The following SLC9A7 variants were observed in gnomAD, a reference collection of about 807,000 sequenced individuals.
SLC9A7 encodes the protein sodium/hydrogen exchanger 7.
A neutral mutation model predicts 52.6 loss-of-function variants in SLC9A7; 19 were observed. The observed-to-expected ratio is 0.36, with a 90% CI of 0.25 to 0.53. The LOEUF (loss-of-function observed/expected upper bound fraction) is 0.53, where lower values mean the gene tolerates loss of function less well. Ranked by LOEUF, SLC9A7 falls within the 20% of genes least tolerant of loss-of-function variation. SLC9A7 has a pLI of 0.91. For missense variants in SLC9A7, 455 were observed against 597.9 expected (o/e 0.76, Z 2.49); for synonymous variants, 226 against 252.1 (o/e 0.90, Z 0.98).
At chrX:46,703,233 T>C (rs979167971) in intron 1 of SLC9A7, among the ~76,000 whole-genome samples, 13 of 112,145 alleles carry the variant, frequency 1.2e-4, no homozygotes, top group Non-Finnish European at 5.6e-5. Context: ...CTGTTAATAG[T>C]TTCTTTTGCT....
chrX:46,741,153 G>T (rs1921324560), intron 1 of SLC9A7, among the ~76,000 whole-genome samples: 1 of 111,722 alleles, frequency 9.0e-6, no homozygotes, highest in South Asian at 3.7e-4. Flanking sequence ...CCTAAGCAGA[G>T]AAATATAATG....
intron 1 of SLC9A7, among the ~76,000 whole-genome samples, chrX:46,752,768 T>C (rs1407084005): frequency 9.0e-6 from 1 of 110,858 alleles, no homozygotes; most frequent in Non-Finnish European, 1.9e-5. Context: ...ACCTCTTCAC[T>C]GTAAAGGTAC....
At chrX:46,715,553 G>A (rs763176768) in intron 1 of SLC9A7, among the ~76,000 whole-genome samples, 6 of 111,650 alleles carry the variant, frequency 5.4e-5, no homozygotes, top group African/African-American at 9.7e-5. Context: ...AAATTTTTGC[G>A]AATGTGCCCT....
chrX:46,701,704 G>A lies in SLC9A7; in HGVS notation c.326-19169C>T, dbSNP rs187440583. Among the ~76,000 whole-genome samples the A allele has an allele frequency of 3.4e-3, 381 of 112,020 alleles. 4 individuals carry two copies. The highest frequency in any genetic ancestry group is 5.9e-3 in the Non-Finnish European group (314 of 53,132). On this transcript the variant is annotated intron_variant, in intron 1 of 16. Transcript: ENST00000616978. ...ATACCATAATTGGGAAGGAATACAT[G>A]GGGGGAGTGGTTCAAAGGCACTGGT...
chrX:46,732,349 C>CA (rs1293008302), intron 1 of SLC9A7, among the ~76,000 whole-genome samples: 1 of 109,607 alleles, frequency 9.1e-6, no homozygotes, highest in Non-Finnish European at 1.9e-5. Flanking sequence ...GTCAGGAGTT[C>CA]GAGAACAGCC....
At chrX:46,659,950 C>T (rs1050686296) in intron 7 of SLC9A7, among the ~76,000 whole-genome samples, 4 of 110,769 alleles carry the variant, frequency 3.6e-5, no homozygotes, top group South Asian at 3.8e-4. Flanking sequence ...GGAGGCATCA[C>T]GCTACCTGAC....
chrX:46,605,678 A>T lies in SLC9A7; in HGVS notation c.*1274T>A, dbSNP rs770122911. Reference sequence around the variant, plus strand: ...TACTATCTTGTATTTCTTTGCAGTAATTTTTTTGCATTGAGATTTCTTTCC... The same window carrying T: ...TACTATCTTGTATTTCTTTGCAGTATTTTTTTTGCATTGAGATTTCTTTCC... On this transcript the variant is annotated 3_prime_UTR_variant, in exon 17 of 17. Transcript: ENST00000616978. The T allele has an allele frequency of 5.4e-5, 6 of 111,425 alleles. No homozygotes were observed. The highest frequency in any genetic ancestry group is 1.1e-4 in the Non-Finnish European group (6 of 53,085). The allele number at this position is 111,425 out of a possible 1,213,427, so 9.2% of individuals were successfully genotyped here. A position where few individuals can be genotyped will look rare whatever the true frequency, so the allele number is the denominator to read the frequency against.
At chrX:46,651,059 C>T in intron 10 of SLC9A7, 51 bp downstream of exon 10, 1 of 729,221 alleles carries the variant, frequency 1.4e-6, no homozygotes, top group Non-Finnish European at 2.1e-6. Flanking sequence ...ATAGCTTCTC[C>T]AACAGTGGTC....
intron 1 of SLC9A7, among the ~76,000 whole-genome samples, chrX:46,708,296 G>C (rs1944635140): frequency 9.0e-6 from 1 of 111,574 alleles, no homozygotes; most frequent in African/African-American, 3.3e-5. Context: ...GGAAGGCCGA[G>C]GTGGGCAGAT....
intron 8 of SLC9A7, among the ~76,000 whole-genome samples, chrX:46,653,278 T>C (rs1471589708): frequency 9.0e-6 from 1 of 111,003 alleles, no homozygotes; most frequent in Non-Finnish European, 1.9e-5. Flanking sequence ...GCCTGTAGTC[T>C]TAGCTACTTG....
intron 1 of SLC9A7, among the ~76,000 whole-genome samples, chrX:46,732,806 A>G (rs1223309384): frequency 1.8e-5 from 2 of 111,910 alleles, no homozygotes; most frequent in African/African-American, 6.5e-5. Flanking sequence ...TTGTTCGATT[A>G]CTATAAGAAA....
chrX:46,711,538 T>C (rs1944687834), intron 1 of SLC9A7, among the ~76,000 whole-genome samples: 1 of 111,862 alleles, frequency 8.9e-6, no homozygotes, highest in African/African-American at 3.2e-5. Context: ...TTCATTTTAG[T>C]CTGTATCCAG....
rs1943510805 is a variant in SLC9A7, at chrX:46,647,368, A to G, written c.1462+1318T>C. On this transcript the variant is annotated intron_variant, in intron 11 of 16. Transcript: ENST00000616978. ...CCTCACCCTCTTTCTGCATTACTCC[A>G]TGTATCTGACATTTAAACCAGACTG... The G allele has an allele frequency of 2.4e-5, 3 of 127,180 alleles. No homozygotes were observed. In the South Asian group the frequency reaches 7.7e-4, roughly 33 times the overall value. 10.5% of individuals were successfully genotyped at this position (127,180 alleles called of 1,213,427 possible). A position where few individuals can be genotyped will look rare whatever the true frequency, so the allele number is the denominator to read the frequency against.
rs1407666890 is a variant in SLC9A7 at position 46,605,424 on chromosome X, CAT to C, written c.*1526_*1527del. On this transcript the variant is annotated 3_prime_UTR_variant, in exon 17 of 17. Coordinates refer to ENST00000616978, the MANE Select transcript of SLC9A7 (RefSeq NM_001257291.2). ...AAACCTAACTTTCAAATCACACCCA[CAT>C]GTTAAGCTGGTGCAGCAGCCTCCCC... 9.0e-6 allele frequency: 1 copy of C among 111,337 alleles called. No homozygotes were observed. Among genetic ancestry groups the C allele is most frequent in the Non-Finnish European group, 1.9e-5 (1 of 53,112 alleles). 9.2% of individuals were successfully genotyped at this position (111,337 alleles called of 1,213,427 possible).
intron 7 of SLC9A7, among the ~76,000 whole-genome samples, chrX:46,654,471 T>C (rs774725979): frequency 1.8e-5 from 2 of 111,381 alleles, no homozygotes; most frequent in Non-Finnish European, 3.8e-5. Context: ...AATAAGGCTG[T>C]TCTTTTAAAA....
At position 46,603,248 on chromosome X, in the gene SLC9A7, A is replaced by G. The variant is rs180989458; in HGVS notation, c.*3704T>C. 8.9e-6 allele frequency: 1 copy of G among 111,955 alleles called. No homozygotes were observed. Among genetic ancestry groups the G allele is most frequent in the East Asian group, 2.8e-4 (1 of 3,544 alleles). 9.2% of individuals were successfully genotyped at this position (111,955 alleles called of 1,213,427 possible). On this transcript the variant is annotated 3_prime_UTR_variant, in exon 17 of 17. Transcript: ENST00000616978. ...ACATTGGAACTACACTGTCGTAGACAGCAATTCAGGGAAGAGGACAAGCCA... is the reference window on the plus strand; with the variant it reads ...ACATTGGAACTACACTGTCGTAGACGGCAATTCAGGGAAGAGGACAAGCCA...
chrX:46,668,496 A>G (rs903028471), intron 5 of SLC9A7, among the ~76,000 whole-genome samples: 1 of 111,482 alleles, frequency 9.0e-6, no homozygotes, highest in Admixed American at 9.5e-5. Context: ...AACAAGAGTG[A>G]AACTCCATCT....
chrX:46,662,298 C>T, intron 6 of SLC9A7, 141 bp from the exon 7 acceptor site: 3 of 610,675 alleles, frequency 4.9e-6, no homozygotes, highest in Non-Finnish European at 7.5e-6. Flanking sequence ...AATCTGCAGC[C>T]AGCATTGCCC....
chrX:46,628,779 G>C (rs1943177440), intron 14 of SLC9A7, among the ~76,000 whole-genome samples: 1 of 112,442 alleles, frequency 8.9e-6, no homozygotes, highest in African/African-American at 3.2e-5. Context: ...ACAACACTGA[G>C]CATGTGACCT....
Sources: gnomAD v4.1 joint callset for allele counts (sites outside exome capture counted in the v4.1 genomes callset) on GRCh38, gnomAD v4.1.1 for gene constraint, MANE v1.5 for transcripts, NCBI Gene and HGNC (gene_info 2026-07-23, HGNC 2026-07-21) for gene names.